Variants in SRFBP1 observed in about 807,000 individuals in gnomAD.
SRFBP1 encodes serum response factor binding protein 1.
Under a neutral mutation model 45.5 loss-of-function variants are expected in SRFBP1, and 47 were observed. The observed-to-expected ratio is 1.03, with a 90% CI of 0.82 to 1.32. The LOEUF is 1.32. Among genes scored for constraint, SRFBP1 ranks in the 40% most tolerant of loss-of-function variants. SRFBP1 has a pLI of 0.00. For synonymous variants in SRFBP1, 203 were observed against 166.3 expected, an observed-to-expected ratio of 1.22 and a Z score of -1.70; for missense variants, 621 against 484.6, an observed-to-expected ratio of 1.28 and a Z score of -2.64.
chr5:122,001,166 CAT>C (rs1752858291), intron 4 of SRFBP1, among the ~76,000 whole-genome samples: 1 of 151,828 alleles, frequency 6.6e-6, no homozygotes, highest in African/African-American at 2.4e-5. Context: ...TAAATCAGAG[CAT>C]ACTTTAAAAT....
chr5:121,991,003 T>G (rs1025056895), intron 3 of SRFBP1, among the ~76,000 whole-genome samples: 1 of 150,984 alleles, frequency 6.6e-6, no homozygotes, highest in South Asian at 2.1e-4. Flanking sequence ...TTACCTGCTT[T>G]CCAGTGCACT....
chr5:121,986,609 AT>A (rs1752524391), intron 3 of SRFBP1, among the ~76,000 whole-genome samples: 1 of 151,998 alleles, frequency 6.6e-6, no homozygotes, highest in Admixed American at 6.6e-5. Context: ...TGACACCCAA[AT>A]TTAGCCAGTG....
intron 3 of SRFBP1, among the ~76,000 whole-genome samples, chr5:121,977,710 A>G (rs1163069728): frequency 6.6e-6 from 1 of 152,124 alleles, no homozygotes; most frequent in African/African-American, 2.4e-5. Context: ...CTTATTGATG[A>G]CATACTATCC....
rs865903477 is a variant in SRFBP1 at position 122,021,505 on chromosome 5, A to C, written c.1067+703A>C. Among the ~76,000 whole-genome samples the C allele has an allele frequency of 9.6e-4, 146 of 152,266 alleles. No homozygotes were observed. The Middle Eastern group carries it at 0.02, about 21-fold the overall frequency. On this transcript the variant is annotated intron_variant, in intron 6 of 7. Coordinates refer to ENST00000339397, the MANE Select transcript of SRFBP1 (RefSeq NM_152546.3). ...AATGAAATAGAAAAATGTGATGTAA[A>C]AATTTTTCAAAAATGTCACAGTATG...
chr5:122,048,913 G>T (rs530309608), intron 2 of SRFBP1, among the ~76,000 whole-genome samples: 15 of 152,068 alleles, frequency 9.9e-5, no homozygotes, highest in African/African-American at 2.4e-4. Flanking sequence ...GTTTTTTATT[G>T]CATCTATTTG....
intron 2 of SRFBP1, among the ~76,000 whole-genome samples, chr5:122,037,211 G>A (rs377618147): frequency 6.6e-6 from 1 of 152,278 alleles, no homozygotes; most frequent in East Asian, 1.9e-4. Flanking sequence ...TGTGAGTCTA[G>A]TGAATCATTG....
At chr5:121,962,176 G>C (rs1227848381) in intron 1 of SRFBP1, 108 bp downstream of exon 1, 2 of 1,407,310 alleles carry the variant, frequency 1.4e-6, no homozygotes, top group Non-Finnish European at 2.0e-6. Flanking sequence ...AGGAACTTTC[G>C]TGGTGGGCCC....
chr5:122,053,387 C>T (rs561967983), intron 2 of SRFBP1, among the ~76,000 whole-genome samples: 1 of 152,120 alleles, frequency 6.6e-6, no homozygotes, highest in Admixed American at 6.5e-5. Context: ...GCCTGCCTGG[C>T]TGCCAGGGGT....
intron 2 of SRFBP1, among the ~76,000 whole-genome samples, chr5:122,054,191 G>A (rs550384533): frequency 6.6e-6 from 1 of 152,342 alleles, no homozygotes; most frequent in East Asian, 1.9e-4. Flanking sequence ...AAACATCTGA[G>A]TGGCTCCCTG....
chr5:121,998,936 T>C lies in SRFBP1; in HGVS notation c.270+4266T>C, dbSNP rs538890306. Among the ~76,000 whole-genome samples the C allele has an allele frequency of 6.6e-5, 10 of 152,310 alleles. No homozygotes were observed. The South Asian group carries it at 1.9e-3, about 28-fold the overall frequency. ...CTTTTATAATTTGTACCCATGTTGCTCCACTTGAGAACAGATTTTGTATTA... is the reference window on the plus strand; with the variant it reads ...CTTTTATAATTTGTACCCATGTTGCCCCACTTGAGAACAGATTTTGTATTA... On this transcript the variant is annotated intron_variant, in intron 4 of 7. Coordinates refer to ENST00000339397, the MANE Select transcript of SRFBP1 (RefSeq NM_152546.3).
chr5:121,990,757 G>A (rs929726597), intron 3 of SRFBP1, among the ~76,000 whole-genome samples: 2 of 152,148 alleles, frequency 1.3e-5, no homozygotes, highest in Admixed American at 1.3e-4. Flanking sequence ...GAGAACAAAG[G>A]TTATTGTAAG....
At chr5:121,962,407 CA>C (rs2112806365) in intron 1 of SRFBP1, among the ~76,000 whole-genome samples, 1 of 152,294 alleles carries the variant, frequency 6.6e-6, no homozygotes, top group Admixed American at 6.5e-5. Flanking sequence ...AAAGTATTTG[CA>C]AGTGCCTGAC....
chr5:121,972,056 A>G (rs1335467592), intron 1 of SRFBP1, among the ~76,000 whole-genome samples: 1 of 151,936 alleles, frequency 6.6e-6, no homozygotes, highest in Non-Finnish European at 1.5e-5. Context: ...TGTAATGAGG[A>G]TGTTTATTTA....
chr5:121,974,318 T>C (rs1356104417), intron 2 of SRFBP1, 34 bp downstream of exon 2: 1 of 1,474,384 alleles, frequency 6.8e-7, no homozygotes, highest in East Asian at 2.3e-5. Context: ...TTGTGACTAA[T>C]AAAATGTCAA....
chr5:121,981,080 T>A (rs1752398448), intron 3 of SRFBP1, among the ~76,000 whole-genome samples: 5 of 152,108 alleles, frequency 3.3e-5, no homozygotes. Context: ...TGTTTCCATT[T>A]ACTCTCTAAT....
intron 2 of SRFBP1, chr5:122,065,621 A>T (rs1377232384): frequency 6.6e-6 from 1 of 152,002 alleles, no homozygotes; most frequent in South Asian, 2.1e-4. Flanking sequence ...ACACACACAC[A>T]TGTGTGACTG....
chr5:121,994,322 T>G (rs764897309), intron 3 of SRFBP1, among the ~76,000 whole-genome samples: 18 of 152,070 alleles, frequency 1.2e-4, no homozygotes, highest in Non-Finnish European at 2.4e-4. Context: ...TTTAAATAAC[T>G]GTTCTTTGTG....
intron 2 of SRFBP1, chr5:122,065,645 C>T (rs1293002622): frequency 2.6e-4 from 40 of 151,946 alleles, no homozygotes; most frequent in Non-Finnish European, 1.5e-5. Context: ...CCTGAATAAC[C>T]CAGGATGATG....
chr5:122,016,206 A>G (rs532095429), intron 4 of SRFBP1, among the ~76,000 whole-genome samples: 36 of 152,282 alleles, frequency 2.4e-4, no homozygotes, highest in African/African-American at 8.4e-4. Flanking sequence ...TCCTGTCACC[A>G]TCATCCTGGG....
Sources: allele counts gnomAD v4.1 joint callset (sites outside exome capture counted in the v4.1 genomes callset), GRCh38; gene constraint gnomAD v4.1.1; transcripts MANE v1.5; gene names NCBI Gene and HGNC (gene_info 2026-07-23, HGNC 2026-07-21).